The following PRKCH variants were observed in gnomAD, a reference collection of about 807,000 sequenced individuals.
PRKCH encodes protein kinase C eta.
Under a neutral mutation model 82.5 loss-of-function variants are expected in PRKCH, and 28 were observed. The ratio of observed to expected loss-of-function variants is 0.34; its 90% CI spans 0.25 to 0.47. The LOEUF (loss-of-function observed/expected upper bound fraction) is 0.47, where lower values mean the gene tolerates loss of function less well. Ranked by LOEUF, PRKCH falls within the 20% of genes least tolerant of loss-of-function variation. PRKCH has a pLI of 1.00. For missense variants in PRKCH, 705 were observed against 881.8 expected (o/e 0.80, Z 2.54); for synonymous variants, 322 against 327.4 (o/e 0.98, Z 0.18).
chr14:61,394,701 T>G (rs573891226), intron 2 of PRKCH, among the ~76,000 whole-genome samples: 51 of 152,342 alleles, frequency 3.3e-4, no homozygotes, highest in African/African-American at 1.2e-3. Flanking sequence ...TATTTATTTC[T>G]TAGTTTCAGT....
chr14:61,194,426 A>C (rs2044427880), intron 1 of PRKCH, among the ~76,000 whole-genome samples: 3 of 152,196 alleles, frequency 2.0e-5, no homozygotes, highest in Admixed American at 2.0e-4. Context: ...ACGCTCTTAT[A>C]AAAGAGACCC....
At chr14:61,367,864 A>G (rs2046317318) in intron 1 of PRKCH, among the ~76,000 whole-genome samples, 3 of 151,480 alleles carry the variant, frequency 2.0e-5, no homozygotes. Context: ...ACAGGAGCCC[A>G]CCACCACGCC....
chr14:61,189,008 C>G (rs546404276), intron 1 of PRKCH, among the ~76,000 whole-genome samples: 38 of 135,794 alleles, frequency 2.8e-4, no homozygotes, highest in African/African-American at 1.1e-3. Flanking sequence ...TCGTGAGCCA[C>G]CGCGCCAGCC....
chr14:61,412,718 T>C (rs577760519), intron 2 of PRKCH, among the ~76,000 whole-genome samples: 1 of 152,282 alleles, frequency 6.6e-6, no homozygotes, highest in South Asian at 2.1e-4. Flanking sequence ...CTTGTGTTGG[T>C]TTCTCAGCAA....
chr14:61,279,786 G>A (rs1204647349), intron 1 of PRKCH: 2 of 350,590 alleles, frequency 5.7e-6, no homozygotes, highest in Non-Finnish European at 1.0e-5. Flanking sequence ...GGGTTTAATA[G>A]GAGTCTCCAT....
intron 1 of PRKCH, among the ~76,000 whole-genome samples, chr14:61,260,990 ATTATCT>A (rs1395464937): frequency 1.3e-5 from 2 of 152,184 alleles, no homozygotes; most frequent in African/African-American, 4.8e-5. Context: ...TTGTCAACTA[ATTATCT>A]TTAAGTTGTT....
chr14:61,364,667 T>C (rs547981000), intron 1 of PRKCH, among the ~76,000 whole-genome samples: 1 of 151,934 alleles, frequency 6.6e-6, no homozygotes, highest in Admixed American at 6.6e-5. Flanking sequence ...TGAAACCCCA[T>C]CTCTACCAAA....
At chr14:61,498,175 G>A (rs1326914946) in intron 10 of PRKCH, among the ~76,000 whole-genome samples, 3 of 151,958 alleles carry the variant, frequency 2.0e-5, no homozygotes, top group African/African-American at 4.8e-5. Flanking sequence ...CACCACACTC[G>A]GCTAATTTTT....
upstream of PRKCH, among the ~76,000 whole-genome samples, chr14:61,317,544 G>T (rs1013118380): frequency 6.6e-6 from 1 of 152,160 alleles, no homozygotes; most frequent in Non-Finnish European, 1.5e-5. Flanking sequence ...AAAGTGCTGG[G>T]ACTACAGGCG....
intron 10 of PRKCH, among the ~76,000 whole-genome samples, chr14:61,513,516 GA>G: frequency 1.3e-5 from 2 of 152,208 alleles, no homozygotes; most frequent in East Asian, 3.9e-4. Context: ...GCCCAGGAGA[GA>G]AATGAGCTCT....
intron 12 of PRKCH, among the ~76,000 whole-genome samples, chr14:61,534,680 A>G (rs977240891): frequency 1.3e-5 from 2 of 152,082 alleles, no homozygotes; most frequent in Non-Finnish European, 2.9e-5. Flanking sequence ...GTTTAAAAAT[A>G]TTTTGTCCAC....
At chr14:61,512,488 G>A (rs1887423413) in intron 10 of PRKCH, among the ~76,000 whole-genome samples, 2 of 151,976 alleles carry the variant, frequency 1.3e-5, no homozygotes, top group Admixed American at 6.6e-5. Flanking sequence ...CCATATGATG[G>A]GAATTGCATT....
intron 1 of PRKCH, among the ~76,000 whole-genome samples, chr14:61,244,239 T>G (rs12100995): frequency 0.038 from 5,748 of 152,184 alleles, 187 homozygotes; most frequent in African/African-American, 0.089. Flanking sequence ...AAAATACAGC[T>G]GAACAAACGA....
At chr14:61,343,804 A>T (rs1222281188) in intron 1 of PRKCH, among the ~76,000 whole-genome samples, 2 of 152,196 alleles carry the variant, frequency 1.3e-5, no homozygotes, top group Admixed American at 1.3e-4. Flanking sequence ...ATGGATCTGG[A>T]TTATTTAGAA....
In PRKCH at chr14:61,280,435, G is replaced by A. The variant is rs970280319; in HGVS notation, c.-19+92767G>A. The A allele has an allele frequency of 3.7e-6, 6 of 1,613,996 alleles. No homozygotes were observed. Among genetic ancestry groups the A allele is most frequent in the South Asian group, 1.1e-5 (1 of 91,088 alleles). ...GATGAAGCCGGTGTTGTTGGGGTCG[G>A]GGCTGAGCTCGTAGACTGGCCGGCG... On this transcript the variant is annotated intron_variant, in intron 1 of 3. Coordinates refer to the PRKCH transcript ENST00000555185. The surrounding 1 kb of genome is among the most constrained non-coding windows in gnomAD (Gnocchi z 5.0).
chr14:61,361,746 ATTTC>A (rs1467788817), intron 1 of PRKCH, among the ~76,000 whole-genome samples: 3 of 152,186 alleles, frequency 2.0e-5, no homozygotes, highest in Non-Finnish European at 4.4e-5. Flanking sequence ...CAAGGGGACA[ATTTC>A]TTTGTGTGGA....
At chr14:61,260,216 T>C (rs780032103) in intron 1 of PRKCH, among the ~76,000 whole-genome samples, 1 of 152,224 alleles carries the variant, frequency 6.6e-6, no homozygotes, top group Non-Finnish European at 1.5e-5. Context: ...TTCTGAAATA[T>C]TAGAATGTTG....
At chr14:61,529,913 A>AT (rs1555396322) in intron 11 of PRKCH, among the ~76,000 whole-genome samples, 19,533 of 125,608 alleles carry the variant, frequency 0.16, 1,284 homozygotes, top group African/African-American at 0.17. Context: ...AATAAAAAAA[A>AT]ATATATATAT....
chr14:61,544,082 ATCC>A (rs1274808471), intron 12 of PRKCH: 2 of 152,182 alleles, frequency 1.3e-5, no homozygotes, highest in East Asian at 3.9e-4. Context: ...CATGGTATTC[ATCC>A]TCCTCTGGCC....
Sources: allele counts gnomAD v4.1 joint callset (sites outside exome capture counted in the v4.1 genomes callset), GRCh38; gene constraint gnomAD v4.1.1; non-coding constraint Gnocchi (gnomAD v3.1); transcripts MANE v1.5; gene names NCBI Gene and HGNC (gene_info 2026-07-23, HGNC 2026-07-21).